The following EPB41L5 variants were observed in gnomAD, a reference collection of about 807,000 sequenced individuals.
The protein encoded by EPB41L5 is erythrocyte membrane protein band 4.1 like 5.
In EPB41L5, 55 loss-of-function variants were observed where a neutral mutation model predicts 106.6. The observed-to-expected ratio is 0.52, with a 90% CI of 0.42 to 0.65. The LOEUF (loss-of-function observed/expected upper bound fraction) is 0.65. Among genes scored for constraint, EPB41L5 ranks in the 30% least tolerant of loss-of-function variants. EPB41L5 has a pLI of 0.00. For synonymous variants in EPB41L5, 297 were observed against 306.7 expected (o/e 0.97, Z 0.33); for missense variants, 871 against 882.1 (o/e 0.99, Z 0.16).
Position 120,068,038 on chromosome 2 carries a change from A to G in EPB41L5, c.286-5140A>G, listed in dbSNP as rs145090736. 3.7e-3 allele frequency among the ~76,000 whole-genome samples: 560 copies of G among 152,314 alleles called. 2 individuals are homozygous for G. The highest frequency in any genetic ancestry group is 6.0e-3 in the Admixed American group (91 of 15,294). On this transcript the variant is annotated intron_variant, in intron 3 of 24. Transcript: ENST00000263713. ...CGGTCTGCAGCTGCCAGTGAGATCA[A>G]CGTGGAAGGCGGGTGATTTCTGCAT...
chr2:120,032,616 T>G (rs1378866488), intron 2 of EPB41L5, among the ~76,000 whole-genome samples: 1 of 152,196 alleles, frequency 6.6e-6, no homozygotes, highest in African/African-American at 2.4e-5. Context: ...CCTACAGTCT[T>G]TTCTTTCCTA....
chr2:120,017,088 TAAATC>T (rs1318101629), intron 1 of EPB41L5, among the ~76,000 whole-genome samples: 1 of 152,252 alleles, frequency 6.6e-6, no homozygotes, highest in Non-Finnish European at 1.5e-5. Flanking sequence ...GGTTTATAAA[TAAATC>T]TAGTTGAAAA....
At chr2:120,146,129 C>T in intron 19 of EPB41L5, 96 bp from the exon 20 acceptor site, 2 of 744,506 alleles carry the variant, frequency 2.7e-6, no homozygotes, top group Non-Finnish European at 4.5e-6. Context: ...TTAAAGCAAA[C>T]TGATATTTCT....
At chr2:120,077,412 G>T in intron 9 of EPB41L5, 96 bp downstream of exon 9, 1 of 944,522 alleles carries the variant, frequency 1.1e-6, no homozygotes. Context: ...CATGGAGTTT[G>T]CATAAGCTAG....
intron 16 of EPB41L5, among the ~76,000 whole-genome samples, chr2:120,110,784 G>A (rs1430132598): frequency 1.3e-5 from 2 of 151,768 alleles, no homozygotes; most frequent in Admixed American, 6.6e-5. Context: ...ACAGGAGTGC[G>A]CCACCATGCC....
At chr2:120,068,048 C>T (rs1260374723) in intron 3 of EPB41L5, among the ~76,000 whole-genome samples, 4 of 152,078 alleles carry the variant, frequency 2.6e-5, no homozygotes, top group Non-Finnish European at 4.4e-5. Flanking sequence ...ACGTGGAAGG[C>T]GGGTGATTTC....
At chr2:120,041,803 C>T (rs3738971) in intron 2 of EPB41L5, among the ~76,000 whole-genome samples, 104,467 of 152,000 alleles carry the variant, frequency 0.69, 37,470 homozygotes, top group Non-Finnish European at 0.79. Flanking sequence ...CAGGAAAACA[C>T]ATAAATCGCA....
chr2:120,133,090 G>T (rs1685774902), intron 18 of EPB41L5, among the ~76,000 whole-genome samples: 1 of 152,134 alleles, frequency 6.6e-6, no homozygotes, highest in Admixed American at 6.5e-5. Context: ...GTGAAGGACA[G>T]AGTGCCATCA....
chr2:120,168,932 A>G (rs1033196520), intron 24 of EPB41L5, among the ~76,000 whole-genome samples: 1 of 152,216 alleles, frequency 6.6e-6, no homozygotes, highest in African/African-American at 2.4e-5. Flanking sequence ...TTATTTTTCT[A>G]AGCATTTGTA....
At chr2:120,053,223 A>G (rs1680406873) in intron 3 of EPB41L5, among the ~76,000 whole-genome samples, 2 of 152,194 alleles carry the variant, frequency 1.3e-5, no homozygotes, top group Non-Finnish European at 2.9e-5. Context: ...AAGAGTTATT[A>G]CCTCAGAGAT....
rs755674025 is a variant in EPB41L5, at chr2:120,159,260, TA to T, written c.1794-1607del. ...TAACACAGTGAAACCCCGTCTCTAC[TA>T]AAAAAAAAAAAAACAGCCGGGTGTG... On this transcript the variant is annotated intron_variant, in intron 20 of 24. Coordinates refer to ENST00000263713, the MANE Select transcript of EPB41L5 (RefSeq NM_020909.4). Among the ~76,000 whole-genome samples the T allele has an allele frequency of 6.7e-4, 83 of 124,386 alleles. No individual in the cohort carries two copies. In the East Asian group the frequency reaches 8.8e-3, roughly 13 times the overall value. 81.6% of individuals were successfully genotyped at this position (124,386 alleles called of 152,430 possible). A position where few individuals can be genotyped will look rare whatever the true frequency, so the allele number is the denominator to read the frequency against.
chr2:120,085,773 C>T (rs948415978), intron 10 of EPB41L5, among the ~76,000 whole-genome samples: 1 of 152,210 alleles, frequency 6.6e-6, no homozygotes, highest in Non-Finnish European at 1.5e-5. Flanking sequence ...GTTAAATCCC[C>T]TCATACCTCC....
intron 3 of EPB41L5, among the ~76,000 whole-genome samples, chr2:120,068,147 A>G (rs949793213): frequency 5.3e-5 from 8 of 152,212 alleles, no homozygotes; most frequent in African/African-American, 1.9e-4. Flanking sequence ...AAGCAGAGTA[A>G]GGCATCGCCT....
At chr2:120,030,077 G>T (rs1297837383) in intron 2 of EPB41L5, among the ~76,000 whole-genome samples, 1 of 152,200 alleles carries the variant, frequency 6.6e-6, no homozygotes, top group East Asian at 1.9e-4. Context: ...AGTCCATCTT[G>T]CTTCTAACGT....
rs888469643 is a variant in EPB41L5, at chr2:120,041,949, CA to C, written c.181-56del. 4 of 1,308,216 alleles carry C rather than the reference CA, an allele frequency of 3.1e-6. No individual in the cohort carries two copies. The Admixed American group carries it at 5.8e-5, about 19-fold the overall frequency. The allele number at this position is 1,308,216 out of a possible 1,614,324, so 81.0% of individuals were successfully genotyped here. On this transcript the variant is annotated intron_variant, in intron 2 of 24. Coordinates refer to ENST00000263713, the MANE Select transcript of EPB41L5 (RefSeq NM_020909.4). The stretch of plus-strand genomic sequence containing the variant: ...TGTATAACTAAAACCTTCTTTTGTT[CA>C]GGCTTGTTGATCTTATAAACCACTT...
intron 17 of EPB41L5, 93 bp downstream of exon 17, chr2:120,127,944 A>G (rs1685531862): frequency 8.5e-7 from 1 of 1,170,676 alleles, no homozygotes; most frequent in East Asian, 2.6e-5. Flanking sequence ...TATTTTTTGT[A>G]CTAGTTCAAC....
chr2:120,090,633 C>A, intron 12 of EPB41L5, 117 bp downstream of exon 12: 1 of 833,106 alleles, frequency 1.2e-6, no homozygotes, highest in Non-Finnish European at 1.8e-6. Flanking sequence ...AGGTGGTTTG[C>A]CAGAGTCTTC....
intron 11 of EPB41L5, among the ~76,000 whole-genome samples, chr2:120,090,042 G>A (rs1683306896): frequency 6.6e-6 from 1 of 151,828 alleles, no homozygotes; most frequent in Non-Finnish European, 1.5e-5. Flanking sequence ...GATCTGATAT[G>A]ATTCCTCAAA....
chr2:120,082,687 C>T (rs1277320567), intron 10 of EPB41L5, among the ~76,000 whole-genome samples: 1 of 152,142 alleles, frequency 6.6e-6, no homozygotes, highest in Admixed American at 6.5e-5. Flanking sequence ...ATGGTACCAG[C>T]TCCTCCTTGT....
Sources: gnomAD v4.1 joint callset for allele counts (sites outside exome capture counted in the v4.1 genomes callset) on GRCh38, gnomAD v4.1.1 for gene constraint, MANE v1.5 for transcripts, NCBI Gene and HGNC (gene_info 2026-07-23, HGNC 2026-07-21) for gene names.